The following SGCZ variants were observed in gnomAD, a reference collection of about 807,000 sequenced individuals.
SGCZ encodes zeta-sarcoglycan.
Under a neutral mutation model 41.3 loss-of-function variants are expected in SGCZ, and 40 were observed. The ratio of observed to expected loss-of-function variants is 0.97; its 90% CI spans 0.75 to 1.26. SGCZ has a LOEUF of 1.26. SGCZ is among the 50% of genes most tolerant of loss of function. The pLI is 0.00. For synonymous variants in SGCZ, 206 were observed against 137.5 expected (o/e 1.50, Z -3.49); for missense variants, 552 against 369.8 (o/e 1.49, Z -4.04).
In SGCZ at chr8:14,360,385, G is replaced by A. The variant is rs966492929; in HGVS notation, c.235-36181C>T. Among the ~76,000 whole-genome samples, 6 of 151,674 alleles carry A rather than the reference G, an allele frequency of 4.0e-5. No individual in the cohort carries two copies. The South Asian group carries it at 8.4e-4, about 21-fold the overall frequency. On this transcript the variant is annotated intron_variant, in intron 2 of 7. Coordinates refer to ENST00000382080, the MANE Select transcript of SGCZ (RefSeq NM_139167.4). ...GTCTTGCTCTATCACCCAGACTGGA[G>A]CATGATCTCAACTCGCTGTAACCTC...
chr8:14,901,715 C>A (rs1242046292), intron 1 of SGCZ, among the ~76,000 whole-genome samples: 2 of 152,012 alleles, frequency 1.3e-5, no homozygotes, highest in African/African-American at 4.8e-5. Context: ...GTAAAAATGC[C>A]TAAAGCTGTG....
At chr8:14,101,854 T>C (rs1302785788) in intron 7 of SGCZ, among the ~76,000 whole-genome samples, 1 of 151,882 alleles carries the variant, frequency 6.6e-6, no homozygotes, top group Non-Finnish European at 1.5e-5. Context: ...AGAAGTGCTT[T>C]GTGGAAAAGT....
At chr8:14,453,831 A>G (rs1473471611) in intron 2 of SGCZ, among the ~76,000 whole-genome samples, 1 of 152,202 alleles carries the variant, frequency 6.6e-6, no homozygotes, top group Non-Finnish European at 1.5e-5. Context: ...TCAGTTTTTA[A>G]AAAGAGTGAT....
At chr8:14,796,251 C>T (rs924431889) in intron 1 of SGCZ, among the ~76,000 whole-genome samples, 4 of 152,122 alleles carry the variant, frequency 2.6e-5, no homozygotes, top group Non-Finnish European at 4.4e-5. Flanking sequence ...AATCACTCCA[C>T]AATCTTCCAG....
intron 4 of SGCZ, among the ~76,000 whole-genome samples, chr8:14,215,953 G>C (rs1585240503): frequency 6.6e-6 from 1 of 152,340 alleles, no homozygotes; most frequent in South Asian, 2.1e-4. Flanking sequence ...GAGTGGGCTA[G>C]GGGACCAGGC....
At chr8:14,284,946 T>A (rs10503490) in intron 3 of SGCZ, among the ~76,000 whole-genome samples, 1 of 152,048 alleles carries the variant, frequency 6.6e-6, no homozygotes, top group East Asian at 1.9e-4. Context: ...ATTATTTAAT[T>A]CTATGTTGGG....
At chr8:15,083,480 T>A (rs1271480600) in intron 1 of SGCZ, among the ~76,000 whole-genome samples, 1 of 152,194 alleles carries the variant, frequency 6.6e-6, no homozygotes, top group Non-Finnish European at 1.5e-5. Flanking sequence ...GGAATCTAGT[T>A]AACATATGTG....
chr8:14,796,768 A>T (rs1382897401), intron 1 of SGCZ, among the ~76,000 whole-genome samples: 4 of 152,156 alleles, frequency 2.6e-5, no homozygotes, highest in Non-Finnish European at 4.4e-5. Context: ...CAGTTCCTAG[A>T]ATCCCCACAT....
At chr8:14,442,824 A>G (rs538423662) in intron 2 of SGCZ, among the ~76,000 whole-genome samples, 14 of 152,168 alleles carry the variant, frequency 9.2e-5, no homozygotes, top group Admixed American at 7.9e-4. Flanking sequence ...TATTTTTTGT[A>G]TCATTATCTT....
chr8:14,729,691 G>C lies in SGCZ; in HGVS notation c.40-174765C>G, dbSNP rs539699291. On this transcript the variant is annotated intron_variant, in intron 1 of 7. Transcript: ENST00000382080. ...ATCAATCAATCAATCTGTTGTTTAA[G>C]TAACCTAGTCTCTAGAAATTTATTA... Among the ~76,000 whole-genome samples the C allele has an allele frequency of 2.0e-5, 3 of 152,136 alleles. No individual in the cohort carries two copies. The East Asian group carries it at 5.8e-4, about 30-fold the overall frequency.
intron 3 of SGCZ, among the ~76,000 whole-genome samples, chr8:14,282,351 T>G (rs1800475903): frequency 1.5e-4 from 1 of 6,548 alleles, no homozygotes; most frequent in South Asian, 0.031. Context: ...AAAATCCCTT[T>G]CTTTCAAAAA....
chr8:15,093,544 G>C (rs1378360805), intron 1 of SGCZ, among the ~76,000 whole-genome samples: 1 of 152,046 alleles, frequency 6.6e-6, no homozygotes. Flanking sequence ...GCAGAAATAA[G>C]ATTTATTCAG....
rs145419116 is a variant in SGCZ, at chr8:14,264,333, T to C, written c.337-26654A>G. Among the ~76,000 whole-genome samples the C allele has an allele frequency of 3.3e-5, 5 of 152,216 alleles. No homozygotes were observed. In the East Asian group the frequency reaches 9.7e-4, roughly 30 times the overall value. ...GCCTTGGAGACCAGCATCGGGTCCT[T>C]CACAATGAGACAGAGTAGAGTGGAG... On this transcript the variant is annotated intron_variant, in intron 3 of 7. Coordinates refer to ENST00000382080, the MANE Select transcript of SGCZ (RefSeq NM_139167.4).
chr8:14,660,718 C>A (rs914346881), intron 1 of SGCZ, among the ~76,000 whole-genome samples: 2 of 151,726 alleles, frequency 1.3e-5, no homozygotes, highest in African/African-American at 4.8e-5. Flanking sequence ...ATAGGCAGAA[C>A]AAAGAGTAAG....
intron 4 of SGCZ, among the ~76,000 whole-genome samples, chr8:14,205,636 C>T (rs977896991): frequency 6.6e-6 from 1 of 152,086 alleles, no homozygotes; most frequent in African/African-American, 2.4e-5. Flanking sequence ...ATCCAATATG[C>T]AAACCTTTGT....
intron 1 of SGCZ, among the ~76,000 whole-genome samples, chr8:15,059,513 T>C (rs1382977606): frequency 6.6e-6 from 1 of 152,228 alleles, no homozygotes; most frequent in Non-Finnish European, 1.5e-5. Context: ...TGCTTTAGAA[T>C]TCAGTCGTAG....
At chr8:14,637,246 C>G (rs962075324) in intron 1 of SGCZ, among the ~76,000 whole-genome samples, 9 of 151,004 alleles carry the variant, frequency 6.0e-5, no homozygotes, top group South Asian at 4.2e-4. Context: ...ACCAAACACT[C>G]TACCAGCACT....
intron 1 of SGCZ, among the ~76,000 whole-genome samples, chr8:14,594,289 T>A (rs918129921): frequency 6.6e-6 from 1 of 152,028 alleles, no homozygotes; most frequent in African/African-American, 2.4e-5. Flanking sequence ...AGCCAAGGAT[T>A]TGCATCTTTA....
At chr8:14,169,639 A>T (rs539852904) in intron 4 of SGCZ, among the ~76,000 whole-genome samples, 163 of 152,242 alleles carry the variant, frequency 1.1e-3, no homozygotes, top group Non-Finnish European at 1.8e-3. Context: ...CCACAGGGGT[A>T]TGTGGGGCTG....
Sources: gnomAD v4.1 joint callset for allele counts (sites outside exome capture counted in the v4.1 genomes callset) on GRCh38, gnomAD v4.1.1 for gene constraint, MANE v1.5 for transcripts, NCBI Gene and HGNC (gene_info 2026-07-23, HGNC 2026-07-21) for gene names.